The following LARP1 variants were observed in gnomAD, a reference collection of about 807,000 sequenced individuals.
LARP1 encodes the protein La ribonucleoprotein 1, translational regulator.
LARP1 carries 36 observed loss-of-function variants against 122.7 expected under a neutral mutation model. The ratio of observed to expected loss-of-function variants is 0.29; its 90% CI spans 0.22 to 0.39. The LOEUF (loss-of-function observed/expected upper bound fraction) is 0.39. Among genes scored for constraint, LARP1 ranks in the 10% least tolerant of loss-of-function variants. LARP1 has a pLI of 1.00. For missense variants in LARP1, 1,040 were observed against 1,403.6 expected, an observed-to-expected ratio of 0.74 and a Z score of 4.14; for synonymous variants, 539 against 528.7, an observed-to-expected ratio of 1.02 and a Z score of -0.27.
At chr5:154,744,210 C>A (rs2079754335) in intron 1 of LARP1, among the ~76,000 whole-genome samples, 1 of 152,152 alleles carries the variant, frequency 6.6e-6, no homozygotes, top group Admixed American at 6.5e-5. Context: ...TCCTGCCCTC[C>A]TTTTTAATCT....
intron 1 of LARP1, among the ~76,000 whole-genome samples, chr5:154,767,915 A>T (rs563305078): frequency 6.7e-4 from 102 of 152,246 alleles, no homozygotes; most frequent in African/African-American, 2.3e-3. Context: ...GAAATCAGGA[A>T]CACCTGGAAG....
intron 1 of LARP1, among the ~76,000 whole-genome samples, chr5:154,688,653 CAAAAAA>C (rs10677648): frequency 1.0e-4 from 8 of 79,484 alleles, no homozygotes; most frequent in African/African-American, 3.3e-4. Context: ...GACTCCATCT[CAAAAAA>C]AAAAAAAAAA....
chr5:154,742,481 C>T (rs181127997), intron 1 of LARP1, among the ~76,000 whole-genome samples: 1 of 152,194 alleles, frequency 6.6e-6, no homozygotes, highest in Non-Finnish European at 1.5e-5. Context: ...ATCTCTTGAA[C>T]CTGGGAGGCG....
Position 154,803,760 on chromosome 5 carries a change from T to A in LARP1, c.2439+15T>A. 1 of 1,612,014 alleles carries A rather than the reference T, an allele frequency of 6.2e-7. No individual in the cohort carries two copies. The highest frequency in any genetic ancestry group is 8.5e-7 in the Non-Finnish European group (1 of 1,178,042). On this transcript the variant is annotated intron_variant, in intron 13 of 18. Coordinates refer to ENST00000518297, the MANE Select transcript of LARP1 (RefSeq NM_033551.3). The surrounding 1 kb of genome is among the most constrained non-coding windows in gnomAD (Gnocchi z 4.4). ...TGGATGCCAAGGTGAGGCATTCCTGTCGGGCTGCTCAGAGTCTTGGGTCTA... is the reference window on the plus strand; with the variant it reads ...TGGATGCCAAGGTGAGGCATTCCTGACGGGCTGCTCAGAGTCTTGGGTCTA...
intron 1 of LARP1, among the ~76,000 whole-genome samples, chr5:154,683,122 C>T (rs956996914): frequency 2.6e-5 from 4 of 152,200 alleles, no homozygotes; most frequent in Non-Finnish European, 5.9e-5. Context: ...GGAGGGGGCA[C>T]CGAAAGGGGC....
chr5:154,766,012 C>T (rs1379169492), intron 1 of LARP1, among the ~76,000 whole-genome samples: 1 of 151,370 alleles, frequency 6.6e-6, no homozygotes, highest in Non-Finnish European at 1.5e-5. Flanking sequence ...CAGGGGCACC[C>T]AATTCAGTAT....
intron 1 of LARP1, among the ~76,000 whole-genome samples, chr5:154,740,931 T>A (rs1752844640): frequency 6.6e-6 from 1 of 152,206 alleles, no homozygotes; most frequent in East Asian, 1.9e-4. Flanking sequence ...AAGTCCTCCT[T>A]GCCCCTGGGC....
chr5:154,726,234 A>G (rs533016336), intron 1 of LARP1, among the ~76,000 whole-genome samples: 1 of 152,338 alleles, frequency 6.6e-6, no homozygotes, highest in South Asian at 2.1e-4. Flanking sequence ...ACTGAAGTCC[A>G]GCACCCCATC....
upstream of LARP1, among the ~76,000 whole-genome samples, chr5:154,755,293 C>G (rs1318795863): frequency 6.8e-6 from 1 of 147,848 alleles, no homozygotes; most frequent in Non-Finnish European, 1.5e-5. Flanking sequence ...CTCCCCTCGC[C>G]CGCCGCGTCG....
chr5:154,763,122 A>G (rs995402544), intron 1 of LARP1, among the ~76,000 whole-genome samples: 6 of 146,144 alleles, frequency 4.1e-5, no homozygotes, highest in Non-Finnish European at 5.9e-5. Context: ...AGTGCAGTGC[A>G]CGATCTCAGC....
In LARP1 at chr5:154,793,926, G is replaced by T. The variant is rs757118086; in HGVS notation, c.995G>T (p.Gly332Val). 26 of 1,613,942 alleles carry T rather than the reference G, an allele frequency of 1.6e-5. No individual in the cohort carries two copies. The highest frequency in any genetic ancestry group is 1.8e-5 in the Non-Finnish European group (21 of 1,179,916). Residue 332 changes from glycine to valine, a missense_variant, in exon 6 of 19, where the codon GGG becomes GTG. Physicochemically the swap from Gly to Val is moderately radical, Grantham distance 109. Coordinates refer to ENST00000518297, the MANE Select transcript of LARP1 (RefSeq NM_033551.3). ...TSSVKSDGAG[G>V]ARASFRGRGR... ...AGTGTGAAGAGTGATGGGGCTGGTGGGGCGCGGGCTTCCTTCCGTGGCCGT... is the reference window on the plus strand; with the variant it reads ...AGTGTGAAGAGTGATGGGGCTGGTGTGGCGCGGGCTTCCTTCCGTGGCCGT...
At chr5:154,757,144 C>T (rs1406727742) in intron 1 of LARP1, 1 of 150,836 alleles carries the variant, frequency 6.6e-6, no homozygotes, top group African/African-American at 2.4e-5. Flanking sequence ...GCGCGTCCCC[C>T]CTTCCCAGCA....
intron 1 of LARP1, among the ~76,000 whole-genome samples, chr5:154,768,849 G>A (rs946410925): frequency 2.0e-5 from 3 of 152,256 alleles, no homozygotes; most frequent in African/African-American, 7.2e-5. Context: ...CCAAAGTGCT[G>A]TGATTACAGG....
At chr5:154,771,221 T>C (rs2113661777) in intron 1 of LARP1, among the ~76,000 whole-genome samples, 1 of 152,216 alleles carries the variant, frequency 6.6e-6, no homozygotes, top group African/African-American at 2.4e-5. Flanking sequence ...TCCTAAAATC[T>C]GCCTCATGGG....
At chr5:154,751,262 C>T (rs1753473357), upstream of LARP1, among the ~76,000 whole-genome samples, 1 of 152,152 alleles carries the variant, frequency 6.6e-6, no homozygotes, top group Admixed American at 6.6e-5. Flanking sequence ...TGATAGTTAG[C>T]TGCTGCCTAT....
chr5:154,792,162 A>C (rs1049587558), intron 3 of LARP1: 2 of 339,920 alleles, frequency 5.9e-6, no homozygotes, highest in East Asian at 7.5e-5. Flanking sequence ...CCTAGCAAAG[A>C]GAGGACTCCT....
rs1158010359 is a variant in LARP1 at position 154,797,221 on chromosome 5, G to GTTTTTTTTTT, written c.1377+1922_1377+1931dup. On this transcript the variant is annotated intron_variant, in intron 8 of 18. Transcript: ENST00000518297. Reference sequence around the variant, plus strand: ...GGAGTTATTCTGTTTTGTTGTTGTTGTTTTTTTTTTTTTTTTTTTTTTTTT... The same window carrying GTTTTTTTTTT: ...GGAGTTATTCTGTTTTGTTGTTGTTGTTTTTTTTTTTTTTTTTTTTTTTTTTTTTTTTTTT... Among the ~76,000 whole-genome samples, 14 of 29,774 alleles carry GTTTTTTTTTT rather than the reference G, an allele frequency of 4.7e-4. 1 individual carries two copies. Among genetic ancestry groups the GTTTTTTTTTT allele is most frequent in the South Asian group, 1.7e-3 (1 of 582 alleles). The allele number at this position is 29,774 out of a possible 152,430, so 19.5% of individuals were successfully genotyped here.
At chr5:154,778,574 GT>G (rs1024477348) in intron 1 of LARP1, among the ~76,000 whole-genome samples, 2 of 152,142 alleles carry the variant, frequency 1.3e-5, no homozygotes, top group African/African-American at 4.8e-5. Flanking sequence ...AGATCAATGG[GT>G]ATAAGGACAA....
chr5:154,792,907 T>C (rs1757453360), intron 4 of LARP1, 111 bp downstream of exon 4: 1 of 989,576 alleles, frequency 1.0e-6, no homozygotes, highest in Non-Finnish European at 1.5e-6. Flanking sequence ...GAAAAGTCAA[T>C]GGGGAAACTG....
Sources: allele counts gnomAD v4.1 joint callset (sites outside exome capture counted in the v4.1 genomes callset), GRCh38; gene constraint gnomAD v4.1.1; non-coding constraint Gnocchi (gnomAD v3.1); transcripts MANE v1.5; gene names NCBI Gene and HGNC (gene_info 2026-07-23, HGNC 2026-07-21).